Variants in AFAP1L2 observed in about 807,000 individuals in gnomAD.
AFAP1L2 encodes actin filament-associated protein 1-like 2.
Under a neutral mutation model 99.3 loss-of-function variants are expected in AFAP1L2, and 46 were observed. That is an observed-to-expected ratio of 0.46 (90% confidence interval 0.37 to 0.59). The LOEUF is 0.59. AFAP1L2 is among the 20% of genes least tolerant of loss of function. The pLI is 0.00. For synonymous variants in AFAP1L2, 397 were observed against 419.1 expected, an observed-to-expected ratio of 0.95 and a Z score of 0.64; for missense variants, 959 against 1,034.9, an observed-to-expected ratio of 0.93 and a Z score of 1.01.
chr10:114,319,024 C>T (rs149257994), intron 5 of AFAP1L2, among the ~76,000 whole-genome samples: 26 of 152,046 alleles, frequency 1.7e-4, no homozygotes, highest in African/African-American at 2.7e-4. Flanking sequence ...CATGGTGATG[C>T]GTGCCTGTAA....
chr10:114,363,631 A>AGT (rs2052769092), intron 1 of AFAP1L2, among the ~76,000 whole-genome samples: 3 of 152,214 alleles, frequency 2.0e-5, no homozygotes. Context: ...TATAGATGAA[A>AGT]CAGGTGGCAG....
chr10:114,305,792 A>C, intron 10 of AFAP1L2, among the ~76,000 whole-genome samples: 1 of 107,970 alleles, frequency 9.3e-6, no homozygotes, highest in African/African-American at 3.7e-5. Flanking sequence ...GGGGACGCAG[A>C]TGCAGGAGGC....
intron 1 of AFAP1L2, among the ~76,000 whole-genome samples, chr10:114,372,192 T>C (rs1026471920): frequency 6.6e-6 from 1 of 152,208 alleles, no homozygotes; most frequent in Non-Finnish European, 1.5e-5. Context: ...CTGGAGAGGT[T>C]AACCCCAGAT....
At chr10:114,289,272 T>C in the AFAP1L2 span, 1 of 1,614,070 alleles carries the variant, frequency 6.2e-7, no homozygotes, top group Non-Finnish European at 8.5e-7. Context: ...TCCCCAAAGC[T>C]GTGGTGGTGC....
In AFAP1L2 at chr10:114,404,330, A is replaced by T; in HGVS notation, c.16+110T>A. Reference sequence around the variant, plus strand: ...GCCCAGGTCCGGGCTGGGTGGGGGCAGTGGGCTCTGCTTATCCCGAGTCCT... The same window carrying T: ...GCCCAGGTCCGGGCTGGGTGGGGGCTGTGGGCTCTGCTTATCCCGAGTCCT... On this transcript the variant is annotated intron_variant, in intron 1 of 18. Transcript: ENST00000304129. The T allele has an allele frequency of 2.4e-6, 3 of 1,237,040 alleles. No homozygotes were observed. In the East Asian group the frequency reaches 7.6e-5, roughly 31 times the overall value. 76.6% of individuals were successfully genotyped at this position (1,237,040 alleles called of 1,614,324 possible).
At chr10:114,311,399 G>A (rs948772960) in intron 7 of AFAP1L2, among the ~76,000 whole-genome samples, 1 of 152,216 alleles carries the variant, frequency 6.6e-6, no homozygotes, top group Admixed American at 6.5e-5. Context: ...TATGCCTAGA[G>A]CAGTTTGTGG....
chr10:114,308,514 C>A lies in AFAP1L2; in HGVS notation c.886G>T (p.Asp296Tyr), dbSNP rs144885661. 51 of 1,614,024 alleles carry A rather than the reference C, an allele frequency of 3.2e-5. No individual in the cohort carries two copies. Among genetic ancestry groups the A allele is most frequent in the Non-Finnish European group, 4.1e-5 (48 of 1,179,998 alleles). ...GCCGACAGGTACTTCTCAGCTATATCTGGCTATGGACAAAAGCGACATGAA... is the reference window on the plus strand; with the variant it reads ...GCCGACAGGTACTTCTCAGCTATATATGGCTATGGACAAAAGCGACATGAA... ...DAQRFNCQKPDIAEKYLSASE... is the reference protein window; with the variant it reads ...DAQRFNCQKPYIAEKYLSASE... Residue 296 changes from aspartate to tyrosine, a missense_variant, in exon 9 of 19, where the codon GAT becomes TAT. Coordinates refer to ENST00000304129, the MANE Select transcript of AFAP1L2 (RefSeq NM_001001936.3).
intron 6 of AFAP1L2, among the ~76,000 whole-genome samples, chr10:114,314,499 G>A (rs2043800919): frequency 6.6e-6 from 1 of 152,196 alleles, no homozygotes; most frequent in South Asian, 2.1e-4. Context: ...TAGTTAGGAA[G>A]ATGATGTATT....
At chr10:114,341,572 C>G (rs943347024) in intron 1 of AFAP1L2, among the ~76,000 whole-genome samples, 1 of 149,870 alleles carries the variant, frequency 6.7e-6, no homozygotes, top group Non-Finnish European at 1.5e-5. Context: ...GAGATCACAC[C>G]ACTTCACTCC....
rs114337795 is a variant in AFAP1L2, at chr10:114,332,278, C to A, written c.221-381G>T. 6.6e-3 allele frequency among the ~76,000 whole-genome samples: 1,011 copies of A among 152,334 alleles called. 11 individuals carry two copies. Among genetic ancestry groups the A allele is most frequent in the African/African-American group, 0.023 (976 of 41,570 alleles). ...CACAGTTTACCCAGAAGGCAAGTGA[C>A]CCCCGCCAGAGTGGCCAACCTCATC... On this transcript the variant is annotated intron_variant, in intron 3 of 18. Transcript: ENST00000304129.
intron 1 of AFAP1L2, among the ~76,000 whole-genome samples, chr10:114,381,674 T>C (rs990134987): frequency 6.6e-5 from 10 of 152,026 alleles, no homozygotes; most frequent in African/African-American, 2.2e-4. Context: ...AGGAAATAAA[T>C]TTGACCACAA....
rs745723452 is a variant in AFAP1L2, at chr10:114,299,373, C to T, written c.2000G>A (p.Arg667Gln). The change falls in exon 16 of 19, where the codon CGG (arginine) becomes CAG (glutamine). Residue 667 changes from arginine to glutamine, a missense_variant. This residue lies in a region of AFAP1L2 where 576 missense variants were observed against 562.1 expected (regional missense o/e 1.02). Coordinates refer to ENST00000304129, the MANE Select transcript of AFAP1L2 (RefSeq NM_001001936.3). ...GKNRTEAEVK[R>Q]YTEEKERLEK... The stretch of plus-strand genomic sequence containing the variant: ...AAGCCTCTCCTTCTCCTCTGTGTAC[C>T]GCTTCACCTCAGCTTCTGTCCGATT... 42 of 1,614,178 alleles carry T rather than the reference C, an allele frequency of 2.6e-5. No homozygotes were observed. Among genetic ancestry groups the T allele is most frequent in the East Asian group, 2.0e-4 (9 of 44,874 alleles).
chr10:114,381,654 G>C (rs1306540334), intron 1 of AFAP1L2, among the ~76,000 whole-genome samples: 1 of 151,952 alleles, frequency 6.6e-6, no homozygotes, highest in Non-Finnish European at 1.5e-5. Context: ...GCAAAACCCA[G>C]AGACATAAAA....
chr10:114,382,588 C>CT (rs1554956154), intron 1 of AFAP1L2, among the ~76,000 whole-genome samples: 2 of 93,280 alleles, frequency 2.1e-5, no homozygotes, highest in African/African-American at 4.1e-5. Flanking sequence ...TATTTCTTCT[C>CT]TTTTTTTTTT....
intron 1 of AFAP1L2, among the ~76,000 whole-genome samples, chr10:114,402,462 C>G (rs2058315206): frequency 6.6e-6 from 1 of 152,132 alleles, no homozygotes; most frequent in South Asian, 2.1e-4. Flanking sequence ...ATGAGTCAAA[C>G]ACTGGAATTT....
chr10:114,398,592 G>A (rs1033736370), intron 1 of AFAP1L2, among the ~76,000 whole-genome samples: 3 of 152,264 alleles, frequency 2.0e-5, no homozygotes, highest in East Asian at 3.8e-4. Flanking sequence ...CTGCAAGGTA[G>A]ATTAGTAATC....
At chr10:114,400,692 A>G (rs947159943) in intron 1 of AFAP1L2, among the ~76,000 whole-genome samples, 1 of 152,158 alleles carries the variant, frequency 6.6e-6, no homozygotes, top group Non-Finnish European at 1.5e-5. Flanking sequence ...TGCTCTTTTG[A>G]CATTTCATGT....
chr10:114,346,287 C>T (rs572381576), intron 1 of AFAP1L2, among the ~76,000 whole-genome samples: 3 of 152,294 alleles, frequency 2.0e-5, no homozygotes, highest in South Asian at 4.2e-4. Flanking sequence ...GCGTCTGCCT[C>T]CCTAGGTTGT....
intron 5 of AFAP1L2, among the ~76,000 whole-genome samples, chr10:114,316,680 T>C (rs56325536): frequency 0.011 from 1,654 of 152,334 alleles, 18 homozygotes; most frequent in Non-Finnish European, 0.014. Flanking sequence ...CCTACTGCTC[T>C]ATTCAAGGAC....
Sources: allele counts gnomAD v4.1 joint callset (sites outside exome capture counted in the v4.1 genomes callset), GRCh38; gene constraint gnomAD v4.1.1; regional missense constraint gnomAD v4.1.1; transcripts MANE v1.5; gene names NCBI Gene and HGNC (gene_info 2026-07-23, HGNC 2026-07-21).